Variants in TMEM204 observed in about 807,000 individuals in gnomAD.
TMEM204 encodes the protein transmembrane protein 204, also known as claudin-like protein 24.
In TMEM204, 15 loss-of-function variants were observed where a neutral mutation model predicts 19.4. That is an observed-to-expected ratio of 0.77 (90% CI 0.52 to 1.19). The LOEUF (loss-of-function observed/expected upper bound fraction) is 1.19. TMEM204 is among the 50% of genes most tolerant of loss of function. The pLI, the probability that TMEM204 is intolerant of heterozygous loss-of-function variation, is 0.00. For missense variants in TMEM204, 287 were observed against 321.2 expected (o/e 0.89, Z 0.81); for synonymous variants, 161 against 146.0 (o/e 1.10, Z -0.74).
At chr16:1,540,070 G>T (rs1340950388) in intron 1 of TMEM204, among the ~76,000 whole-genome samples, 1 of 152,210 alleles carries the variant, frequency 6.6e-6, no homozygotes, top group Non-Finnish European at 1.5e-5. Flanking sequence ...GGACGGCGGG[G>T]GGACCCTCAG....
At chr16:1,547,995 G>C (rs551292540) in intron 2 of TMEM204, among the ~76,000 whole-genome samples, 5 of 152,204 alleles carry the variant, frequency 3.3e-5, no homozygotes, top group Admixed American at 6.5e-5. Flanking sequence ...TAGCTCGCTT[G>C]CCTGTCTTTG....
intron 1 of TMEM204, among the ~76,000 whole-genome samples, chr16:1,537,908 G>A (rs893637711): frequency 2.0e-5 from 3 of 152,208 alleles, no homozygotes; most frequent in African/African-American, 7.2e-5. Flanking sequence ...GTAAGACCCT[G>A]CCTGAATACA....
At chr16:1,530,405 A>G (rs896991889), upstream of TMEM204, among the ~76,000 whole-genome samples, 1 of 152,040 alleles carries the variant, frequency 6.6e-6, no homozygotes, top group Non-Finnish European at 1.5e-5. Context: ...TGCTTGGATT[A>G]CAGGTGTGAG....
At chr16:1,536,265 G>A (rs2031061035) in intron 1 of TMEM204, among the ~76,000 whole-genome samples, 1 of 152,196 alleles carries the variant, frequency 6.6e-6, no homozygotes, top group African/African-American at 2.4e-5. Context: ...TCACAGGGCC[G>A]CGTGTAGCCT....
intron 1 of TMEM204, chr16:1,541,446 C>A: frequency 1.0e-6 from 1 of 985,422 alleles, no homozygotes; most frequent in Non-Finnish European, 1.2e-6. Flanking sequence ...GGCAGCTGAG[C>A]ACGCAGGACA....
intron 2 of TMEM204, among the ~76,000 whole-genome samples, chr16:1,552,426 A>C (rs8051229): frequency 0.054 from 8,166 of 151,792 alleles, 446 homozygotes; most frequent in Admixed American, 0.17. Context: ...CTGAGCCCTG[A>C]CACCAGCACA....
At position 1,534,390 on chromosome 16, in the gene TMEM204, C is replaced by A; in HGVS notation, c.115C>A (p.Arg39Ser). The A allele has an allele frequency of 1.2e-6, 2 of 1,612,696 alleles. No individual in the cohort carries two copies. Among genetic ancestry groups the A allele is most frequent in the Admixed American group, 1.7e-5 (1 of 60,020 alleles). The change falls in exon 1 of 3, where the codon CGC becomes AGC. Residue 39 changes from arginine (R) to serine (S), a missense_variant. Coordinates refer to ENST00000566264, the MANE Select transcript of TMEM204 (RefSeq NM_024600.6). ...GGTGTGCCAGACGCTGGAGGATGGG[C>A]GCAGGCGCAGCGTGGGGCTGTGGAG... ...NWVCQTLEDGRRRSVGLWRSC... is the reference protein window; with the variant it reads ...NWVCQTLEDGSRRSVGLWRSC...
At chr16:1,541,240 A>C (rs1596330162) in intron 1 of TMEM204, 1 of 985,408 alleles carries the variant, frequency 1.0e-6, no homozygotes, top group Non-Finnish European at 1.2e-6. Context: ...CCACTGAGTG[A>C]AAGATTTGTG....
At position 1,541,424 on chromosome 16, in the gene TMEM204, G is replaced by A. The variant is rs1485276188; in HGVS notation, c.281-497G>A. On this transcript the variant is annotated intron_variant, in intron 1 of 2. Coordinates refer to ENST00000566264, the MANE Select transcript of TMEM204 (RefSeq NM_024600.6). ...GGAGGAGGGAACACCACCATGAGCC[G>A]CTTGGGGGTCGGGCAGCTGAGCACG... The A allele has an allele frequency of 9.1e-6, 9 of 985,280 alleles. No individual in the cohort carries two copies. In the South Asian group the frequency reaches 2.3e-4, roughly 26 times the overall value. The allele number at this position is 985,280 out of a possible 1,614,324, so 61.0% of individuals were successfully genotyped here.
rs2032754254 is a variant in TMEM204, at chr16:1,552,662, T to TTC, written c.437-2119_437-2118insCT. 2.0e-5 allele frequency among the ~76,000 whole-genome samples: 3 copies of TTC among 151,206 alleles called. No homozygotes were observed. In the South Asian group the frequency reaches 6.3e-4, roughly 32 times the overall value. ...CAAAGAGAATGCTTTTTTTTTTTTT[T>TTC]TTTTGAAATGGAGTCTCGCTCTGTC... On this transcript the variant is annotated intron_variant, in intron 2 of 2. Coordinates refer to ENST00000566264, the MANE Select transcript of TMEM204 (RefSeq NM_024600.6).
chr16:1,529,519 C>T (rs2030212550), upstream of TMEM204, among the ~76,000 whole-genome samples: 5 of 152,218 alleles, frequency 3.3e-5, no homozygotes, highest in Admixed American at 3.3e-4. Context: ...TCCTGATCTC[C>T]GATTCGCGCT....
chr16:1,530,321 T>TG (rs1284839869), upstream of TMEM204, among the ~76,000 whole-genome samples: 1 of 151,720 alleles, frequency 6.6e-6, no homozygotes, highest in Admixed American at 6.6e-5. Context: ...GTAGTAGAGA[T>TG]GGGGTTTCAT....
At position 1,541,899 on chromosome 16, in the gene TMEM204, CCT is replaced by C; in HGVS notation, c.281-17_281-16del. 6.4e-7 allele frequency: 1 copy of C among 1,569,874 alleles called. No homozygotes were observed. Among genetic ancestry groups the C allele is most frequent in the Non-Finnish European group, 8.6e-7 (1 of 1,156,348 alleles). ...TGGAGCCCACCTGCACTCACCACTGCCTCTCTGCTCTTGGCCCACAGTGCAGT... is the reference window on the plus strand; with the variant it reads ...TGGAGCCCACCTGCACTCACCACTGCCTCTGCTCTTGGCCCACAGTGCAGT... On this transcript the variant is annotated intron_variant, in intron 1 of 2. Coordinates refer to ENST00000566264, the MANE Select transcript of TMEM204 (RefSeq NM_024600.6).
intron 2 of TMEM204, chr16:1,554,201 C>T: frequency 2.7e-6 from 3 of 1,129,946 alleles, no homozygotes; most frequent in Non-Finnish European, 3.5e-6. Context: ...GCTGCAGACT[C>T]CAGGCCATCT....
intron 1 of TMEM204, among the ~76,000 whole-genome samples, chr16:1,536,137 C>T (rs1012069893): frequency 1.3e-5 from 2 of 152,248 alleles, no homozygotes; most frequent in South Asian, 2.1e-4. Flanking sequence ...CGCAGCTCTG[C>T]ACCTCCAGGC....
chr16:1,532,530 G>A (rs553250776), upstream of TMEM204: 7 of 152,382 alleles, frequency 4.6e-5, no homozygotes, highest in East Asian at 1.4e-3. Flanking sequence ...GGCAGCTCTC[G>A]GGACCGCCCT....
intron 2 of TMEM204, among the ~76,000 whole-genome samples, chr16:1,547,661 C>T (rs2032285848): frequency 6.6e-6 from 1 of 152,114 alleles, no homozygotes; most frequent in African/African-American, 2.4e-5. Context: ...CTCAGCCTCC[C>T]GAGTAGCTGG....
intron 2 of TMEM204, among the ~76,000 whole-genome samples, chr16:1,550,831 A>C (rs1052554740): frequency 2.6e-5 from 4 of 152,344 alleles, no homozygotes; most frequent in Admixed American, 6.5e-5. Flanking sequence ...AGGAAAGTCA[A>C]GAGCGCCCTA....
chr16:1,542,519 G>C (rs1445759886), intron 2 of TMEM204, among the ~76,000 whole-genome samples: 1 of 152,248 alleles, frequency 6.6e-6, no homozygotes, highest in Non-Finnish European at 1.5e-5. Context: ...TCCCAGCTAA[G>C]AGGCCTAGAA....
Sources: gnomAD v4.1 joint callset for allele counts (sites outside exome capture counted in the v4.1 genomes callset) on GRCh38, gnomAD v4.1.1 for gene constraint, MANE v1.5 for transcripts, NCBI Gene and HGNC (gene_info 2026-07-23, HGNC 2026-07-21) for gene names.